CSRNP3: variants seen among roughly 807,000 people sequenced by gnomAD.
CSRNP3 encodes cysteine and serine rich nuclear protein 3, also known as cysteine/serine-rich nuclear protein 3.
A neutral mutation model predicts 48.0 loss-of-function variants in CSRNP3; 12 were observed. The observed-to-expected ratio is 0.25, with a 90% CI of 0.16 to 0.41. The LOEUF (loss-of-function observed/expected upper bound fraction) is 0.41, where lower values mean the gene tolerates loss of function less well. Among genes scored for constraint, CSRNP3 ranks in the 10% least tolerant of loss-of-function variants. The probability of loss-of-function intolerance (pLI) is 1.00; values close to 1 mark genes in which losing one functional copy is unlikely to be tolerated. For missense variants in CSRNP3, 580 were observed against 724.4 expected (o/e 0.80, Z 2.29); for synonymous variants, 263 against 269.7 (o/e 0.98, Z 0.24).
chr2:165,550,144 A>G (rs1221047632), intron 3 of CSRNP3, among the ~76,000 whole-genome samples: 1 of 152,192 alleles, frequency 6.6e-6, no homozygotes, highest in African/African-American at 2.4e-5. Context: ...TGATTTGAGG[A>G]CAAAAACAAG....
At chr2:165,517,984 T>C (rs1460828840) in intron 3 of CSRNP3, 23 bp downstream of exon 3, 1 of 152,410 alleles carries the variant, frequency 6.6e-6, no homozygotes, top group African/African-American at 2.4e-5. Context: ...TACATTATTA[T>C]TCTCATGCTT....
At chr2:165,580,528 T>A (rs1353666724) in intron 3 of CSRNP3, among the ~76,000 whole-genome samples, 1 of 152,246 alleles carries the variant, frequency 6.6e-6, no homozygotes, top group Non-Finnish European at 1.5e-5. Context: ...TTATTTTTTG[T>A]GCAGTATCTT....
At chr2:165,674,417 A>G (rs573108804) in intron 5 of CSRNP3, among the ~76,000 whole-genome samples, 3 of 152,158 alleles carry the variant, frequency 2.0e-5, no homozygotes, top group Admixed American at 2.0e-4. Context: ...GCAGCTTGTT[A>G]CAAATAACAA....
At chr2:165,549,767 A>G (rs951957275) in intron 3 of CSRNP3, among the ~76,000 whole-genome samples, 3 of 152,174 alleles carry the variant, frequency 2.0e-5, no homozygotes, top group African/African-American at 7.2e-5. Flanking sequence ...GCCCTGGAGT[A>G]AAATGAAGAT....
intron 5 of CSRNP3, among the ~76,000 whole-genome samples, chr2:165,660,832 G>A (rs1235235167): frequency 1.3e-5 from 2 of 152,094 alleles, no homozygotes; most frequent in Non-Finnish European, 2.9e-5. Context: ...TTCCCCTTTG[G>A]TGAAATGTAA....
intron 4 of CSRNP3, among the ~76,000 whole-genome samples, chr2:165,642,103 AACAC>A (rs58624766): frequency 0.12 from 15,323 of 131,950 alleles, 759 homozygotes; most frequent in Non-Finnish European, 0.14. Flanking sequence ...CACACACACA[AACAC>A]ACACACACAC....
chr2:165,559,838 C>T (rs1340790372), intron 3 of CSRNP3, among the ~76,000 whole-genome samples: 5 of 116,482 alleles, frequency 4.3e-5, no homozygotes, highest in Admixed American at 1.3e-4. Flanking sequence ...CTCACTCTGT[C>T]GCCCAGGCTG....
chr2:165,491,947 T>TAAAAAA (rs1461602717), intron 1 of CSRNP3, among the ~76,000 whole-genome samples: 1 of 89,312 alleles, frequency 1.1e-5, no homozygotes, highest in Non-Finnish European at 2.5e-5. Flanking sequence ...ACTTAAAGTA[T>TAAAAAA]AATAAAAAAA....
At chr2:165,604,989 C>G (rs1685984770) in intron 4 of CSRNP3, among the ~76,000 whole-genome samples, 1 of 152,118 alleles carries the variant, frequency 6.6e-6, no homozygotes, top group South Asian at 2.1e-4. Flanking sequence ...ATAAATGTAT[C>G]TGAAATCTGT....
At chr2:165,491,795 T>A (rs2105457897) in intron 1 of CSRNP3, among the ~76,000 whole-genome samples, 1 of 104,150 alleles carries the variant, frequency 9.6e-6, no homozygotes, top group East Asian at 3.0e-4. Flanking sequence ...CTCTGGGGAC[T>A]GTTGTGGGGT....
At chr2:165,571,320 A>G (rs1685370609) in intron 3 of CSRNP3, among the ~76,000 whole-genome samples, 1 of 152,012 alleles carries the variant, frequency 6.6e-6, no homozygotes, top group South Asian at 2.1e-4. Flanking sequence ...GCTTTCAAAC[A>G]TCATTTTAAT....
chr2:165,563,524 T>TC (rs1237067508), intron 3 of CSRNP3, among the ~76,000 whole-genome samples: 14 of 152,188 alleles, frequency 9.2e-5, no homozygotes, highest in Non-Finnish European at 1.5e-4. Flanking sequence ...AATTCGCGAA[T>TC]CATTCATTGC....
At chr2:165,529,014 C>G (rs1354816338) in intron 3 of CSRNP3, among the ~76,000 whole-genome samples, 4 of 151,976 alleles carry the variant, frequency 2.6e-5, no homozygotes, top group African/African-American at 7.3e-5. Context: ...GTTGCAGCTG[C>G]CCAAACCACG....
At chr2:165,555,280 G>T (rs1259383358) in intron 3 of CSRNP3, among the ~76,000 whole-genome samples, 1 of 152,118 alleles carries the variant, frequency 6.6e-6, no homozygotes, top group Non-Finnish European at 1.5e-5. Flanking sequence ...CAGAATGAAA[G>T]CTCCTTGAGG....
intron 2 of CSRNP3, among the ~76,000 whole-genome samples, chr2:165,511,445 G>A (rs1278441348): frequency 6.6e-6 from 1 of 152,080 alleles, no homozygotes; most frequent in Non-Finnish European, 1.5e-5. Flanking sequence ...AATTGAAGTC[G>A]TGAAAACCTA....
intron 3 of CSRNP3, among the ~76,000 whole-genome samples, chr2:165,552,209 T>G (rs1284132979): frequency 6.6e-6 from 1 of 152,232 alleles, no homozygotes; most frequent in Non-Finnish European, 1.5e-5. Flanking sequence ...TGTTAGTTTT[T>G]CTGCAAACAT....
intron 4 of CSRNP3, among the ~76,000 whole-genome samples, chr2:165,625,610 A>G (rs187490781): frequency 2.0e-5 from 3 of 150,764 alleles, no homozygotes; most frequent in Admixed American, 2.0e-4. Flanking sequence ...CTCCCACCTC[A>G]GCAACAGAGT....
chr2:165,680,792 C>T lies in CSRNP3; in HGVS notation c.*1039C>T, dbSNP rs1687522674. The T allele has an allele frequency of 2.0e-5, 3 of 152,078 alleles. No individual in the cohort carries two copies. The highest frequency in any genetic ancestry group is 4.4e-5 in the Non-Finnish European group (3 of 68,022). 9.4% of individuals were successfully genotyped at this position (152,078 alleles called of 1,614,324 possible). A position where few individuals can be genotyped will look rare whatever the true frequency, so the allele number is the denominator to read the frequency against. On this transcript the variant is annotated 3_prime_UTR_variant, in exon 7 of 7. Transcript: ENST00000651982. Reference sequence around the variant, plus strand: ...TTATGAAGGGAAAATGACCTATTTTCCTTCACCACTCTGAGGACCTAACTC... The same window carrying T: ...TTATGAAGGGAAAATGACCTATTTTTCTTCACCACTCTGAGGACCTAACTC...
At chr2:165,549,961 A>G (rs1223323698) in intron 3 of CSRNP3, among the ~76,000 whole-genome samples, 1 of 152,184 alleles carries the variant, frequency 6.6e-6, no homozygotes, top group African/African-American at 2.4e-5. Flanking sequence ...CTGAGGAATT[A>G]TAACATTTTA....
Sources: allele counts gnomAD v4.1 joint callset (sites outside exome capture counted in the v4.1 genomes callset), GRCh38; gene constraint gnomAD v4.1.1; transcripts MANE v1.5; gene names NCBI Gene and HGNC (gene_info 2026-07-23, HGNC 2026-07-21).